IL1RAPL1: variants seen among roughly 807,000 people sequenced by gnomAD.
The protein encoded by IL1RAPL1 is interleukin-1 receptor accessory protein-like 1.
Under a neutral mutation model 48.4 loss-of-function variants are expected in IL1RAPL1, and 3 were observed. The ratio of observed to expected loss-of-function variants is 0.06; its 90% CI spans 0.03 to 0.16. The LOEUF (loss-of-function observed/expected upper bound fraction) is 0.16. IL1RAPL1 is among the 10% of genes least tolerant of loss of function. The pLI is 1.00. For synonymous variants in IL1RAPL1, 185 were observed against 187.7 expected (o/e 0.99, Z 0.12); for missense variants, 349 against 530.6 (o/e 0.66, Z 3.36).
At chrX:29,642,044 G>A (rs1925183234) in intron 5 of IL1RAPL1, among the ~76,000 whole-genome samples, 1 of 112,175 alleles carries the variant, frequency 8.9e-6, no homozygotes. Flanking sequence ...ATAAAGAAAA[G>A]GCATTTCCTA....
At chrX:29,875,033 A>G (rs1486600151) in intron 6 of IL1RAPL1, among the ~76,000 whole-genome samples, 2 of 112,115 alleles carry the variant, frequency 1.8e-5, no homozygotes, top group Non-Finnish European at 3.8e-5. Context: ...ACCCCCACAC[A>G]TACACTTCTC....
rs1933412286 is a variant in IL1RAPL1, at chrX:29,955,937, C to T, written c.*117C>T. On this transcript the variant is annotated 3_prime_UTR_variant, in exon 11 of 11. Transcript: ENST00000378993. ...AACATGCATTAGAATCTCTAGAACA[C>T]GAGGAAAAACAGGGTCTTGTACATA... is the stretch of plus-strand genomic sequence containing the variant. The T allele has an allele frequency of 5.1e-6, 3 of 587,520 alleles. No individual in the cohort carries two copies. The highest frequency in any genetic ancestry group is 3.4e-5 in the East Asian group (1 of 29,056). The allele number at this position is 587,520 out of a possible 1,213,427, so 48.4% of individuals were successfully genotyped here.
chrX:29,238,796 C>G (rs763017719), intron 2 of IL1RAPL1, among the ~76,000 whole-genome samples: 1 of 112,376 alleles, frequency 8.9e-6, no homozygotes, highest in Non-Finnish European at 1.9e-5. Flanking sequence ...GGATCTGTTT[C>G]AGGTACACTG....
At chrX:29,895,945 A>G in intron 6 of IL1RAPL1, among the ~76,000 whole-genome samples, 1 of 112,046 alleles carries the variant, frequency 8.9e-6, no homozygotes, top group East Asian at 2.8e-4. Context: ...AATGAGAGAA[A>G]CAGCCAACAT....
intron 3 of IL1RAPL1, among the ~76,000 whole-genome samples, chrX:29,337,664 T>G (rs1691095687): frequency 9.0e-6 from 1 of 111,204 alleles, no homozygotes; most frequent in African/African-American, 3.3e-5. Flanking sequence ...TAAAACAATA[T>G]CTGACAAATT....
At chrX:29,843,237 C>T (rs1233820030) in intron 6 of IL1RAPL1, among the ~76,000 whole-genome samples, 1 of 112,049 alleles carries the variant, frequency 8.9e-6, no homozygotes, top group Non-Finnish European at 1.9e-5. Flanking sequence ...AGAACTGGGC[C>T]TCCATTTTAG....
intron 2 of IL1RAPL1, among the ~76,000 whole-genome samples, chrX:28,863,148 G>A (rs1052325073): frequency 9.0e-6 from 1 of 111,190 alleles, no homozygotes; most frequent in African/African-American, 3.3e-5. Flanking sequence ...CCAAAGTGCT[G>A]GGATTGCAGG....
chrX:29,342,797 G>A (rs1933100709), intron 3 of IL1RAPL1, among the ~76,000 whole-genome samples: 1 of 112,577 alleles, frequency 8.9e-6, no homozygotes, highest in Admixed American at 9.4e-5. Flanking sequence ...AAATTACGAT[G>A]TTGATAATGT....
chrX:29,672,028 A>G (rs1926154955), intron 6 of IL1RAPL1, among the ~76,000 whole-genome samples: 1 of 112,050 alleles, frequency 8.9e-6, no homozygotes, highest in African/African-American at 3.2e-5. Context: ...CTTACACTCT[A>G]CATTATAAAC....
At position 29,920,075 on chromosome X, in the gene IL1RAPL1, C is replaced by T. The variant is rs369557817; in HGVS notation, c.1038C>T (p.Ser346=). 1.1e-5 allele frequency: 13 copies of T among 1,209,706 alleles called. No individual in the cohort carries two copies. The highest frequency in any genetic ancestry group is 1.5e-5 in the Non-Finnish European group (13 of 894,906). The change falls in exon 8 of 11, where the codon AGC becomes AGT. Residue 346 remains serine, a synonymous_variant. Transcript: ENST00000378993. ...VENGNGRRHA[S]VLLHKRELMY... is the part of the protein sequence containing the mutation. ...ATGGAAATGGACGTCGACACGCCAGCGTTCTCCTTCATAAACGAGGTGAGT... is the reference window on the plus strand; with the variant it reads ...ATGGAAATGGACGTCGACACGCCAGTGTTCTCCTTCATAAACGAGGTGAGT...
chrX:29,077,608 GA>G (rs529366182), intron 2 of IL1RAPL1, among the ~76,000 whole-genome samples: 121 of 41,344 alleles, frequency 2.9e-3, no homozygotes, highest in Admixed American at 0.018. Context: ...GTCTCAAAAA[GA>G]AAAAAAAAAA....
chrX:29,233,913 G>A (rs1398358049), intron 2 of IL1RAPL1, among the ~76,000 whole-genome samples: 2 of 112,267 alleles, frequency 1.8e-5, no homozygotes, highest in South Asian at 3.7e-4. Context: ...TGTTGTAAGC[G>A]GGCCCATGAG....
intron 6 of IL1RAPL1, among the ~76,000 whole-genome samples, chrX:29,851,652 T>C (rs1170125997): frequency 9.0e-6 from 1 of 111,593 alleles, no homozygotes; most frequent in Non-Finnish European, 1.9e-5. Context: ...TTCGTTTCTG[T>C]GCAGTGATGC....
At chrX:29,751,942 A>G (rs1928473444) in intron 6 of IL1RAPL1, among the ~76,000 whole-genome samples, 1 of 106,003 alleles carries the variant, frequency 9.4e-6, no homozygotes, top group Non-Finnish European at 1.9e-5. Context: ...TCAAAAAAAC[A>G]TGAAAAAATG....
At chrX:29,650,689 G>A (rs1473409892) in intron 5 of IL1RAPL1, among the ~76,000 whole-genome samples, 2 of 110,025 alleles carry the variant, frequency 1.8e-5, no homozygotes, top group African/African-American at 6.6e-5. Context: ...GAACATAGGG[G>A]GAAAACTCCA....
At chrX:28,895,806 C>T (rs1334649674) in intron 2 of IL1RAPL1, among the ~76,000 whole-genome samples, 1 of 111,507 alleles carries the variant, frequency 9.0e-6, no homozygotes, top group Non-Finnish European at 1.9e-5. Flanking sequence ...CCCAGAGCGT[C>T]TGTGATGGTC....
intron 1 of IL1RAPL1, among the ~76,000 whole-genome samples, chrX:28,762,825 G>C (rs76391738): frequency 0.1 from 3,020 of 29,495 alleles, 170 homozygotes; most frequent in African/African-American, 0.28. Flanking sequence ...CACACACACA[G>C]AGAGAGAGAG....
chrX:29,688,637 A>T (rs760835947), intron 6 of IL1RAPL1, among the ~76,000 whole-genome samples: 103 of 111,203 alleles, frequency 9.3e-4, no homozygotes, highest in African/African-American at 3.3e-3. Context: ...GCTCTGCTAC[A>T]TTCACAAAAA....
intron 6 of IL1RAPL1, among the ~76,000 whole-genome samples, chrX:29,685,991 A>T (rs1926606228): frequency 9.0e-6 from 1 of 111,425 alleles, no homozygotes; most frequent in Admixed American, 9.5e-5. Flanking sequence ...TCTCAAAAAA[A>T]AAAAAGAAAG....
Sources: allele counts gnomAD v4.1 joint callset (sites outside exome capture counted in the v4.1 genomes callset), GRCh38; gene constraint gnomAD v4.1.1; transcripts MANE v1.5; gene names NCBI Gene and HGNC (gene_info 2026-07-23, HGNC 2026-07-21).